Variants in KCNMB2 observed in about 807,000 individuals in gnomAD.
KCNMB2 encodes calcium-activated potassium channel subunit beta-2.
In KCNMB2, 9 loss-of-function variants were observed where a neutral mutation model predicts 24.5. That is an observed-to-expected ratio of 0.37 (90% CI 0.22 to 0.64). The LOEUF is 0.64. Ranked by LOEUF, KCNMB2 falls within the 30% of genes least tolerant of loss-of-function variation. The pLI is 0.63. For missense variants in KCNMB2, 226 were observed against 284.3 expected (o/e 0.79, Z 1.47); for synonymous variants, 109 against 104.4 (o/e 1.04, Z -0.27).
chr3:178,616,636 G>A (rs912849283), intron 1 of KCNMB2, among the ~76,000 whole-genome samples: 1 of 152,160 alleles, frequency 6.6e-6, no homozygotes, highest in African/African-American at 2.4e-5. Flanking sequence ...TACTATGAGT[G>A]CTCACCTGAC....
Position 178,627,935 on chromosome 3 carries a change from A to C in KCNMB2, c.-68+91224A>C, listed in dbSNP as rs143627486. ...AGACTTGAACACCCAGAAAATGCTA[A>C]AGAGGCAGCTGTAATTGTGCGGAAC... On this transcript the variant is annotated intron_variant, in intron 1 of 4. Transcript: ENST00000452583. 1.7e-3 allele frequency among the ~76,000 whole-genome samples: 253 copies of C among 152,286 alleles called. 1 individual carries two copies. Among genetic ancestry groups the C allele is most frequent in the Non-Finnish European group, 2.7e-3 (185 of 68,010 alleles).
intron 1 of KCNMB2, among the ~76,000 whole-genome samples, chr3:178,725,166 T>G (rs1439945783): frequency 6.6e-6 from 1 of 152,256 alleles, no homozygotes; most frequent in South Asian, 2.1e-4. Flanking sequence ...CTTCTCCACT[T>G]GTTTGTGTCA....
intron 1 of KCNMB2, among the ~76,000 whole-genome samples, chr3:178,640,423 T>C (rs1221135374): frequency 6.6e-6 from 1 of 152,074 alleles, no homozygotes; most frequent in Non-Finnish European, 1.5e-5. Context: ...CCAGATCTTG[T>C]AAGAACTCAC....
chr3:178,618,624 C>T (rs1718800103), intron 1 of KCNMB2, among the ~76,000 whole-genome samples: 1 of 152,102 alleles, frequency 6.6e-6, no homozygotes, highest in Non-Finnish European at 1.5e-5. Context: ...CAAACAGAAA[C>T]CTATTTTTGG....
intron 1 of KCNMB2, among the ~76,000 whole-genome samples, chr3:178,795,945 G>A (rs1207409409): frequency 2.6e-5 from 4 of 152,158 alleles, no homozygotes; most frequent in Admixed American, 6.5e-5. Flanking sequence ...CTTGAGTTAT[G>A]TGTATCACTG....
intron 1 of KCNMB2, among the ~76,000 whole-genome samples, chr3:178,677,723 TC>T (rs1230381591): frequency 6.6e-6 from 1 of 152,198 alleles, no homozygotes; most frequent in Non-Finnish European, 1.5e-5. Context: ...TGAGAGGTGA[TC>T]ATTTTGATAG....
intron 1 of KCNMB2, among the ~76,000 whole-genome samples, chr3:178,646,853 G>A (rs1057452891): frequency 9.2e-5 from 14 of 152,090 alleles, no homozygotes; most frequent in African/African-American, 3.4e-4. Flanking sequence ...CAGATAAATC[G>A]TCTTTATTAA....
chr3:178,648,391 T>A (rs1305669415), intron 1 of KCNMB2, among the ~76,000 whole-genome samples: 1 of 152,008 alleles, frequency 6.6e-6, no homozygotes, highest in African/African-American at 2.4e-5. Flanking sequence ...ATTAAAACAT[T>A]AGCCAAATGT....
At position 178,744,990 on chromosome 3, in the gene KCNMB2, G is replaced by A. The variant is rs1723617330; in HGVS notation, c.-67-62353G>A. Among the ~76,000 whole-genome samples the A allele has an allele frequency of 2.6e-5, 4 of 152,186 alleles. No individual in the cohort carries two copies. The South Asian group carries it at 8.3e-4, about 32-fold the overall frequency. On this transcript the variant is annotated intron_variant, in intron 1 of 4. Coordinates refer to ENST00000452583, the MANE Select transcript of KCNMB2 (RefSeq NM_181361.3). ...TTGCCACCTACTACCTGTGTGACAG[G>A]AAGATGTTAATAAACCTGTATGTGC...
At chr3:178,544,066 T>C (rs1340503614) in intron 1 of KCNMB2, among the ~76,000 whole-genome samples, 1 of 152,168 alleles carries the variant, frequency 6.6e-6, no homozygotes, top group East Asian at 1.9e-4. Context: ...TTCATGGCAG[T>C]AGTTAATGCT....
At chr3:178,757,399 T>C (rs1319410207) in intron 1 of KCNMB2, among the ~76,000 whole-genome samples, 4 of 69,712 alleles carry the variant, frequency 5.7e-5, no homozygotes, top group African/African-American at 1.9e-4. Context: ...TATATGTATA[T>C]ATATCCAAGA....
intron 1 of KCNMB2, among the ~76,000 whole-genome samples, chr3:178,542,102 G>T (rs1164392591): frequency 6.6e-6 from 1 of 152,182 alleles, no homozygotes; most frequent in African/African-American, 2.4e-5. Context: ...TTGTCCAAGT[G>T]TGCGCTCACC....
At chr3:178,713,054 G>C (rs565828689) in intron 1 of KCNMB2, among the ~76,000 whole-genome samples, 1 of 152,318 alleles carries the variant, frequency 6.6e-6, no homozygotes, top group East Asian at 1.9e-4. Context: ...GTTGGGAAAA[G>C]AGAGGAAGGG....
At chr3:178,729,170 G>A (rs566497364) in intron 1 of KCNMB2, 4 of 152,294 alleles carry the variant, frequency 2.6e-5, no homozygotes, top group Non-Finnish European at 4.4e-5. Flanking sequence ...CATGGAGAAG[G>A]AGGAAAGAAA....
chr3:178,675,536 T>C (rs1177495835), intron 1 of KCNMB2, among the ~76,000 whole-genome samples: 1 of 134,896 alleles, frequency 7.4e-6, no homozygotes, highest in Non-Finnish European at 1.6e-5. Context: ...CCTGGGTAAG[T>C]AAAGAGTGCA....
At chr3:178,791,438 C>A in intron 1 of KCNMB2, among the ~76,000 whole-genome samples, 1 of 151,478 alleles carries the variant, frequency 6.6e-6, no homozygotes, top group Non-Finnish European at 1.5e-5. Flanking sequence ...TCAGAGGAGA[C>A]AAAAGAAAAA....
intron 1 of KCNMB2, among the ~76,000 whole-genome samples, chr3:178,613,045 A>G (rs1442014561): frequency 1.3e-5 from 2 of 152,208 alleles, no homozygotes; most frequent in Non-Finnish European, 2.9e-5. Flanking sequence ...ACTCACCATG[A>G]CTTTGTCCTT....
chr3:178,843,552 C>A lies in KCNMB2; in HGVS notation c.*615C>A. On this transcript the variant is annotated 3_prime_UTR_variant, in exon 5 of 5. Coordinates refer to ENST00000452583, the MANE Select transcript of KCNMB2 (RefSeq NM_181361.3). ...TAATTTCCAAAATATAAGCTGTTTT[C>A]ATTAGCCAGTTCTATAATATCTTCC... The A allele has an allele frequency of 5.4e-6, 1 of 184,080 alleles. No individual in the cohort carries two copies. The highest frequency in any genetic ancestry group is 1.1e-5 in the Non-Finnish European group (1 of 86,994). The allele number at this position is 184,080 out of a possible 1,614,324, so 11.4% of individuals were successfully genotyped here.
At chr3:178,598,129 C>T (rs1297595259) in intron 1 of KCNMB2, among the ~76,000 whole-genome samples, 1 of 151,998 alleles carries the variant, frequency 6.6e-6, no homozygotes, top group African/African-American at 2.4e-5. Context: ...GCGACATAAG[C>T]TCAGTCAGGT....
Sources: allele counts gnomAD v4.1 joint callset (sites outside exome capture counted in the v4.1 genomes callset), GRCh38; gene constraint gnomAD v4.1.1; transcripts MANE v1.5; gene names NCBI Gene and HGNC (gene_info 2026-07-23, HGNC 2026-07-21).